The following MSRA variants were observed in gnomAD, a reference collection of about 807,000 sequenced individuals.
The protein encoded by MSRA is methionine sulfoxide reductase A, also known as mitochondrial peptide methionine sulfoxide reductase.
MSRA carries 54 observed loss-of-function variants against 31.3 expected under a neutral mutation model. That is an observed-to-expected ratio of 1.73 (90% CI 1.39 to 2.17). The LOEUF (loss-of-function observed/expected upper bound fraction) is 2.17, where lower values mean the gene tolerates loss of function less well. MSRA is among the 30% of genes most tolerant of loss of function. The pLI is 0.00. For missense variants in MSRA, 507 were observed against 300.9 expected, an observed-to-expected ratio of 1.69 and a Z score of -5.07; for synonymous variants, 169 against 116.5, an observed-to-expected ratio of 1.45 and a Z score of -2.90.
intron 5 of MSRA, among the ~76,000 whole-genome samples, chr8:10,422,792 G>T (rs1808891071): frequency 6.6e-6 from 1 of 152,204 alleles, no homozygotes; most frequent in African/African-American, 2.4e-5. Context: ...ACCCTATGCA[G>T]AGGCAGGCCC....
intron 3 of MSRA, among the ~76,000 whole-genome samples, chr8:10,281,784 G>A (rs1026318877): frequency 2.6e-5 from 4 of 152,180 alleles, no homozygotes; most frequent in African/African-American, 7.2e-5. Flanking sequence ...AGCCTGCTTT[G>A]TAAAGGGGCG....
intron 1 of MSRA, among the ~76,000 whole-genome samples, chr8:10,060,118 G>A (rs371402295): frequency 3.3e-5 from 5 of 152,112 alleles, no homozygotes; most frequent in Non-Finnish European, 7.4e-5. Flanking sequence ...GGAATTTATC[G>A]TCTGGACATA....
chr8:10,297,490 A>G (rs1043840933), intron 3 of MSRA, among the ~76,000 whole-genome samples: 2 of 152,168 alleles, frequency 1.3e-5, no homozygotes, highest in Non-Finnish European at 2.9e-5. Flanking sequence ...TCATCTCTGG[A>G]AGCACAAGAA....
At chr8:10,082,627 A>G (rs1429344814) in intron 1 of MSRA, among the ~76,000 whole-genome samples, 2 of 152,182 alleles carry the variant, frequency 1.3e-5, no homozygotes, top group African/African-American at 4.8e-5. Flanking sequence ...CTGACCTCGC[A>G]TTAAATTGTG....
chr8:10,178,257 C>G (rs529950121), intron 1 of MSRA, among the ~76,000 whole-genome samples: 1 of 152,044 alleles, frequency 6.6e-6, no homozygotes, highest in Non-Finnish European at 1.5e-5. Context: ...GTTTACCATA[C>G]TCTGACAGTA....
intron 1 of MSRA, among the ~76,000 whole-genome samples, chr8:10,134,909 G>C (rs946315109): frequency 6.6e-6 from 1 of 152,234 alleles, no homozygotes; most frequent in Non-Finnish European, 1.5e-5. Context: ...TCTTGCCCCG[G>C]AGTGTTTGTT....
chr8:10,357,552 G>A (rs79338135), intron 5 of MSRA, among the ~76,000 whole-genome samples: 1 of 152,122 alleles, frequency 6.6e-6, no homozygotes, highest in African/African-American at 2.4e-5. Context: ...CATTGGCTCT[G>A]GGGTCCTTTT....
At chr8:10,097,644 T>A (rs984059405) in intron 1 of MSRA, among the ~76,000 whole-genome samples, 2 of 152,196 alleles carry the variant, frequency 1.3e-5, no homozygotes, top group Non-Finnish European at 2.9e-5. Context: ...CTTATTTAAT[T>A]TTTAAGTCCA....
At chr8:10,110,765 C>A (rs976770459) in intron 1 of MSRA, among the ~76,000 whole-genome samples, 1 of 152,176 alleles carries the variant, frequency 6.6e-6, no homozygotes, top group African/African-American at 2.4e-5. Context: ...TGCGATCTTT[C>A]TATCCATTAC....
At chr8:10,350,582 C>A (rs1231900177) in intron 5 of MSRA, among the ~76,000 whole-genome samples, 2 of 152,242 alleles carry the variant, frequency 1.3e-5, no homozygotes, top group South Asian at 4.1e-4. Flanking sequence ...ACTCACTGGT[C>A]AGCAGCCGTA....
At chr8:10,196,830 C>T (rs1253441174) in intron 1 of MSRA, among the ~76,000 whole-genome samples, 2 of 152,040 alleles carry the variant, frequency 1.3e-5, no homozygotes, top group African/African-American at 4.8e-5. Context: ...CCTCGGCCTC[C>T]CAAAGTGCTG....
chr8:10,281,912 A>C (rs906989195), intron 3 of MSRA, among the ~76,000 whole-genome samples: 2 of 152,082 alleles, frequency 1.3e-5, no homozygotes, highest in Non-Finnish European at 2.9e-5. Context: ...CCTGCTTTTT[A>C]GATAAAGGGA....
In MSRA at chr8:10,095,626, C is replaced by G. The variant is rs145756184; in HGVS notation, c.142+40968C>G. 22 of 990,002 alleles carry G rather than the reference C, an allele frequency of 2.2e-5. No homozygotes were observed. The East Asian group carries it at 1.7e-3, about 74-fold the overall frequency. The allele number at this position is 990,002 out of a possible 1,614,324, so 61.3% of individuals were successfully genotyped here. The stretch of plus-strand genomic sequence containing the variant: ...AAAGAAAAAAAGGCAAGACTTGGCA[C>G]AGCTCAGTCAAATCAGCTTCTTTTG... On this transcript the variant is annotated intron_variant, in intron 1 of 5. Transcript: ENST00000317173.
chr8:10,190,415 G>A (rs143842224), intron 1 of MSRA, among the ~76,000 whole-genome samples: 20 of 152,266 alleles, frequency 1.3e-4, no homozygotes, highest in East Asian at 7.7e-4. Context: ...TCAGTGCCTG[G>A]ACACCCCCAG....
intron 1 of MSRA, among the ~76,000 whole-genome samples, chr8:10,105,453 A>G (rs1799818806): frequency 6.6e-6 from 1 of 152,220 alleles, no homozygotes; most frequent in Admixed American, 6.5e-5. Context: ...TTGAAATGTC[A>G]GGCAGATTCT....
At chr8:10,217,994 C>A (rs374141634) in intron 2 of MSRA, among the ~76,000 whole-genome samples, 1 of 151,772 alleles carries the variant, frequency 6.6e-6, no homozygotes, top group African/African-American at 2.4e-5. Flanking sequence ...TAGTCTTGAC[C>A]GAACGATCAT....
intron 2 of MSRA, among the ~76,000 whole-genome samples, chr8:10,241,981 C>A (rs1797350129): frequency 6.6e-6 from 1 of 152,148 alleles, no homozygotes; most frequent in African/African-American, 2.4e-5. Flanking sequence ...ATTAAAATGA[C>A]TTAAAGACAG....
intron 5 of MSRA, among the ~76,000 whole-genome samples, chr8:10,412,686 G>A (rs1221872874): frequency 1.3e-5 from 2 of 152,302 alleles, no homozygotes; most frequent in East Asian, 1.9e-4. Context: ...GGATGCCTTT[G>A]TATACAGAAG....
chr8:10,241,569 A>G (rs1812415839), intron 2 of MSRA, among the ~76,000 whole-genome samples: 2 of 152,218 alleles, frequency 1.3e-5, no homozygotes, highest in East Asian at 1.9e-4. Flanking sequence ...GTAACAAAGT[A>G]GTAGCTGAGG....
Sources: gnomAD v4.1 joint callset for allele counts (sites outside exome capture counted in the v4.1 genomes callset) on GRCh38, gnomAD v4.1.1 for gene constraint, MANE v1.5 for transcripts, NCBI Gene and HGNC (gene_info 2026-07-23, HGNC 2026-07-21) for gene names.